Variants in GPM6B observed in about 807,000 individuals in gnomAD.
GPM6B encodes the protein neuronal membrane glycoprotein M6-b.
A neutral mutation model predicts 27.2 loss-of-function variants in GPM6B; 4 were observed. That is an observed-to-expected ratio of 0.15 (90% confidence interval 0.07 to 0.34). The LOEUF (loss-of-function observed/expected upper bound fraction) is 0.34, where lower values mean the gene tolerates loss of function less well. Among genes scored for constraint, GPM6B ranks in the 10% least tolerant of loss-of-function variants. The probability of loss-of-function intolerance (pLI) is 1.00; values close to 1 mark genes in which losing one functional copy is unlikely to be tolerated. For synonymous variants in GPM6B, 124 were observed against 103.1 expected, an observed-to-expected ratio of 1.20 and a Z score of -1.23; for missense variants, 183 against 261.9, an observed-to-expected ratio of 0.70 and a Z score of 2.08.
At chrX:13,799,477 T>C (rs1244320442) in intron 2 of GPM6B, among the ~76,000 whole-genome samples, 4 of 108,384 alleles carry the variant, frequency 3.7e-5, no homozygotes, top group African/African-American at 1.3e-4. Context: ...GAGTAGCCAA[T>C]CTGAACTTAC....
chrX:13,899,455 A>G (rs1282071715), intron 1 of GPM6B, among the ~76,000 whole-genome samples: 1 of 108,378 alleles, frequency 9.2e-6, no homozygotes, highest in Non-Finnish European at 1.9e-5. Context: ...GGCAATTAGG[A>G]AAAAAAATGC....
chrX:13,890,270 T>C (rs1376999843), intron 1 of GPM6B, among the ~76,000 whole-genome samples: 1 of 111,977 alleles, frequency 8.9e-6, no homozygotes, highest in Non-Finnish European at 1.9e-5. Context: ...ACAAATACCA[T>C]GGCAACGTCA....
intron 1 of GPM6B, among the ~76,000 whole-genome samples, chrX:13,856,901 T>C (rs915139611): frequency 1.8e-5 from 2 of 110,876 alleles, no homozygotes; most frequent in South Asian, 3.9e-4. Flanking sequence ...GGATTTGCCA[T>C]ATTGCCCAAA....
chrX:13,874,505 C>T (rs781655067), intron 1 of GPM6B, among the ~76,000 whole-genome samples: 1 of 101,919 alleles, frequency 9.8e-6, no homozygotes, highest in African/African-American at 3.6e-5. Flanking sequence ...CAAGACCAGC[C>T]TGGCCAACAT....
rs764196516 is a variant in GPM6B at position 13,866,859 on chromosome X, G to A, written c.-198+71468C>T. ...CTAAATCTTCCCCTGTAATACGAAT[G>A]GAGTCAGAGAGATGCATTTGCAGTT... On this transcript the variant is annotated intron_variant, in intron 1 of 6. Transcript: ENST00000398361. Among the ~76,000 whole-genome samples, 40 of 111,511 alleles carry A rather than the reference G, an allele frequency of 3.6e-4. 1 individual carries two copies. Among genetic ancestry groups the A allele is most frequent in the African/African-American group, 1.2e-3 (38 of 30,690 alleles).
At chrX:13,865,724 T>C (rs992230044) in intron 1 of GPM6B, among the ~76,000 whole-genome samples, 9 of 106,583 alleles carry the variant, frequency 8.4e-5, no homozygotes, top group African/African-American at 3.1e-4. Flanking sequence ...ACCACTGCTC[T>C]CCAGCCTGGG....
chrX:13,839,053 A>ATATT (rs2049539989), intron 1 of GPM6B, among the ~76,000 whole-genome samples: 1 of 111,479 alleles, frequency 9.0e-6, no homozygotes, highest in Non-Finnish European at 1.9e-5. Context: ...ACCAAACAGA[A>ATATT]TATTTGTAGG....
chrX:13,780,243 TTAAC>T (rs1329094114), intron 4 of GPM6B, among the ~76,000 whole-genome samples: 2 of 111,357 alleles, frequency 1.8e-5, no homozygotes, highest in African/African-American at 3.3e-5. Context: ...CGGGTCACTC[TTAAC>T]TAACAAGGAC....
chrX:13,861,037 CACACACAT>C (rs1347581069), intron 1 of GPM6B, among the ~76,000 whole-genome samples: 23 of 41,922 alleles, frequency 5.5e-4, no homozygotes, highest in Middle Eastern at 0.012. Flanking sequence ...CACACACACA[CACACACAT>C]ATATACATAT....
At chrX:13,861,255 C>T (rs1374607263) in intron 1 of GPM6B, among the ~76,000 whole-genome samples, 1 of 110,913 alleles carries the variant, frequency 9.0e-6, no homozygotes, top group Admixed American at 9.7e-5. Context: ...CAATTGCAAA[C>T]TGTGCTGCTA....
upstream of GPM6B, among the ~76,000 whole-genome samples, chrX:13,821,797 G>A (rs7057768): frequency 0.33 from 36,001 of 109,453 alleles, 5,258 homozygotes; most frequent in Non-Finnish European, 0.46. Context: ...GTTTCTCCAC[G>A]TTGGTCAGGC....
At chrX:13,856,356 T>G (rs2049779346) in intron 1 of GPM6B, among the ~76,000 whole-genome samples, 1 of 111,441 alleles carries the variant, frequency 9.0e-6, no homozygotes, top group South Asian at 3.8e-4. Context: ...CTCCAGAGCT[T>G]TCCCATTCAA....
At chrX:13,785,135 A>G (rs1188221988) in intron 3 of GPM6B, among the ~76,000 whole-genome samples, 1 of 111,762 alleles carries the variant, frequency 8.9e-6, no homozygotes, top group Non-Finnish European at 1.9e-5. Flanking sequence ...CTAAACAGCT[A>G]CCATATTCTA....
chrX:13,791,469 C>T (rs900195468), intron 2 of GPM6B, among the ~76,000 whole-genome samples: 1 of 111,984 alleles, frequency 8.9e-6, no homozygotes, highest in South Asian at 3.7e-4. Context: ...ATTCTCAATA[C>T]CTCTCACCAA....
chrX:13,868,894 A>G (rs890849263), intron 1 of GPM6B, among the ~76,000 whole-genome samples: 12 of 112,220 alleles, frequency 1.1e-4, no homozygotes, highest in Middle Eastern at 4.6e-3. Flanking sequence ...AAGACATTCC[A>G]AAGTGGCTAA....
At chrX:13,777,909 A>G (rs187251263) in intron 5 of GPM6B, among the ~76,000 whole-genome samples, 14 of 112,401 alleles carry the variant, frequency 1.2e-4, no homozygotes, top group African/African-American at 4.2e-4. Context: ...TCAAACTTTC[A>G]TGGCAATTTG....
intron 2 of GPM6B, among the ~76,000 whole-genome samples, chrX:13,798,987 A>C (rs2048866520): frequency 9.0e-6 from 1 of 111,466 alleles, no homozygotes. Context: ...GGGAGCTTTC[A>C]AGAACGCTGA....
At chrX:13,899,848 G>A (rs1175351103) in intron 1 of GPM6B, among the ~76,000 whole-genome samples, 4 of 111,981 alleles carry the variant, frequency 3.6e-5, no homozygotes, top group Admixed American at 9.5e-5. Flanking sequence ...GCATCCAACA[G>A]GACCTGGCAT....
intron 5 of GPM6B, among the ~76,000 whole-genome samples, chrX:13,779,242 G>C (rs2048471132): frequency 8.9e-6 from 1 of 111,938 alleles, no homozygotes; most frequent in South Asian, 3.7e-4. Flanking sequence ...CCCATTGTAA[G>C]GATCTCACTC....
Sources: allele counts gnomAD v4.1 joint callset (sites outside exome capture counted in the v4.1 genomes callset), GRCh38; gene constraint gnomAD v4.1.1; transcripts MANE v1.5; gene names NCBI Gene and HGNC (gene_info 2026-07-23, HGNC 2026-07-21).